GABRA2: variants seen among roughly 807,000 people sequenced by gnomAD.
GABRA2 encodes gamma-aminobutyric acid receptor subunit alpha-2.
GABRA2 carries 16 observed loss-of-function variants against 48.7 expected under a neutral mutation model. The observed-to-expected ratio is 0.33, with a 90% CI of 0.22 to 0.50. The LOEUF (loss-of-function observed/expected upper bound fraction) is 0.50, where lower values mean the gene tolerates loss of function less well. Among genes scored for constraint, GABRA2 ranks in the 20% least tolerant of loss-of-function variants. GABRA2 has a pLI of 0.98. For missense variants in GABRA2, 275 were observed against 535.6 expected (o/e 0.51, Z 4.80); for synonymous variants, 185 against 184.5 (o/e 1.00, Z -0.02).
chr4:46,341,613 G>A (rs1322077176), intron 3 of GABRA2, among the ~76,000 whole-genome samples: 1 of 151,972 alleles, frequency 6.6e-6, no homozygotes, highest in Non-Finnish European at 1.5e-5. Flanking sequence ...AAGGATTAGG[G>A]GGAAGTAACA....
At chr4:46,357,979 A>G (rs997284102) in intron 3 of GABRA2, among the ~76,000 whole-genome samples, 2 of 152,104 alleles carry the variant, frequency 1.3e-5, no homozygotes, top group Non-Finnish European at 2.9e-5. Context: ...ATACAGTAAA[A>G]TTGAAATAGT....
intron 1 of GABRA2, 136 bp downstream of exon 1, chr4:46,389,599 G>A (rs1489762326): frequency 4.3e-6 from 2 of 469,746 alleles, no homozygotes; most frequent in Non-Finnish European, 5.6e-6. Context: ...GCGCTGGGGA[G>A]GAGGGAGGTG....
At chr4:46,307,637 G>C (rs912967475) in intron 6 of GABRA2, among the ~76,000 whole-genome samples, 33 of 151,878 alleles carry the variant, frequency 2.2e-4, no homozygotes, top group African/African-American at 7.7e-4. Context: ...AGAAGAAAAA[G>C]TCTCAATTCA....
At chr4:46,273,225 C>T (rs1370529326) in intron 8 of GABRA2, among the ~76,000 whole-genome samples, 2 of 151,618 alleles carry the variant, frequency 1.3e-5, no homozygotes, top group South Asian at 2.1e-4. Flanking sequence ...TATGACTAGG[C>T]GTGATTCTTG....
At chr4:46,358,059 G>C (rs978750770) in intron 3 of GABRA2, among the ~76,000 whole-genome samples, 1 of 152,118 alleles carries the variant, frequency 6.6e-6, no homozygotes, top group Non-Finnish European at 1.5e-5. Context: ...TAGTATATGA[G>C]ACACACTTAC....
chr4:46,257,335 G>A (rs117110726), intron 9 of GABRA2, among the ~76,000 whole-genome samples: 1 of 151,650 alleles, frequency 6.6e-6, no homozygotes, highest in East Asian at 1.9e-4. Flanking sequence ...TATTGCAAGA[G>A]GGGTCAGCAG....
chr4:46,293,844 C>G (rs1410793977), intron 8 of GABRA2, among the ~76,000 whole-genome samples: 1 of 152,200 alleles, frequency 6.6e-6, no homozygotes, highest in Non-Finnish European at 1.5e-5. Context: ...CATCCCCATT[C>G]AAGTCTCCTA....
intron 8 of GABRA2, among the ~76,000 whole-genome samples, chr4:46,291,592 C>T (rs1011805245): frequency 6.6e-6 from 1 of 152,006 alleles, no homozygotes; most frequent in African/African-American, 2.4e-5. Context: ...AAAGGCTAGC[C>T]TGGCTTAGCC....
intron 3 of GABRA2, among the ~76,000 whole-genome samples, chr4:46,352,945 T>C (rs186919843): frequency 2.6e-5 from 4 of 152,246 alleles, no homozygotes; most frequent in East Asian, 3.9e-4. Context: ...CATGCCTTAC[T>C]GTTTTCTCTC....
chr4:46,285,078 G>A (rs1722291152), intron 8 of GABRA2, among the ~76,000 whole-genome samples: 1 of 149,118 alleles, frequency 6.7e-6, no homozygotes, highest in Admixed American at 6.7e-5. Flanking sequence ...AGGCTGGACA[G>A]TTTTCAAGCC....
In GABRA2 at chr4:46,262,952, AAGAAAGAGAGAG is replaced by A. The variant is rs766105969; in HGVS notation, c.857-836_857-825del. On this transcript the variant is annotated intron_variant, in intron 8 of 9. Coordinates refer to ENST00000381620, the MANE Select transcript of GABRA2 (RefSeq NM_000807.4). ...GAAAGAAAGAAGAAAGAAAGAAAGAAAGAAAGAGAGAGAGAGAGAGAGAGAGGGAGGGAGGGA... is the reference window on the plus strand; with the variant it reads ...GAAAGAAAGAAGAAAGAAAGAAAGAAAGAGAGAGAGAGAGGGAGGGAGGGA... 1.6e-3 allele frequency among the ~76,000 whole-genome samples: 221 copies of A among 139,520 alleles called. 2 individuals carry two copies. The highest frequency in any genetic ancestry group is 1.6e-3 in the Admixed American group (22 of 13,912). 91.5% of individuals were successfully genotyped at this position (139,520 alleles called of 152,430 possible). A position where few individuals can be genotyped will look rare whatever the true frequency, so the allele number is the denominator to read the frequency against.
chr4:46,325,620 T>C (rs2109774722), intron 4 of GABRA2, among the ~76,000 whole-genome samples: 1 of 152,192 alleles, frequency 6.6e-6, no homozygotes, highest in African/African-American at 2.4e-5. Flanking sequence ...TTATAATTGC[T>C]TTCAGGGACT....
chr4:46,342,349 A>G (rs1484500826), intron 3 of GABRA2, among the ~76,000 whole-genome samples: 1 of 151,962 alleles, frequency 6.6e-6, no homozygotes, highest in Non-Finnish European at 1.5e-5. Flanking sequence ...TTTCCATTCC[A>G]TAAGTATTTT....
chr4:46,276,547 C>A (rs542082768), intron 8 of GABRA2, among the ~76,000 whole-genome samples: 2 of 149,680 alleles, frequency 1.3e-5, no homozygotes, highest in South Asian at 4.2e-4. Context: ...GTAATTCTGA[C>A]TCTCAAACAG....
chr4:46,293,575 G>T (rs146128819), intron 8 of GABRA2, among the ~76,000 whole-genome samples: 202 of 152,250 alleles, frequency 1.3e-3, no homozygotes, highest in African/African-American at 4.4e-3. Flanking sequence ...TCAGGCCCTG[G>T]ACTCATCCTG....
At chr4:46,385,578 T>G (rs1236057984) in intron 3 of GABRA2, among the ~76,000 whole-genome samples, 2 of 152,098 alleles carry the variant, frequency 1.3e-5, no homozygotes, top group African/African-American at 4.8e-5. Flanking sequence ...TTGTGCTGTA[T>G]TCTAGAAATA....
At chr4:46,267,289 T>A (rs2109381198) in intron 8 of GABRA2, among the ~76,000 whole-genome samples, 1 of 151,710 alleles carries the variant, frequency 6.6e-6, no homozygotes, top group East Asian at 1.9e-4. Flanking sequence ...AACTACAGAA[T>A]TTCTAATTGT....
intron 4 of GABRA2, among the ~76,000 whole-genome samples, chr4:46,332,142 T>C (rs1003909569): frequency 6.6e-6 from 1 of 152,172 alleles, no homozygotes; most frequent in African/African-American, 2.4e-5. Flanking sequence ...ATACGTATTG[T>C]ATGTATGTAG....
At chr4:46,285,818 C>T (rs1018801097) in intron 8 of GABRA2, among the ~76,000 whole-genome samples, 5 of 151,518 alleles carry the variant, frequency 3.3e-5, no homozygotes, top group Admixed American at 1.3e-4. Context: ...TTTGGCCATA[C>T]CTATGGTTTT....
Sources: gnomAD v4.1 joint callset for allele counts (sites outside exome capture counted in the v4.1 genomes callset) on GRCh38, gnomAD v4.1.1 for gene constraint, MANE v1.5 for transcripts, NCBI Gene and HGNC (gene_info 2026-07-23, HGNC 2026-07-21) for gene names.